The following TANC1 variants were observed in gnomAD, a reference collection of about 807,000 sequenced individuals.
The protein encoded by TANC1 is tetratricopeptide repeat, ankyrin repeat and coiled-coil containing 1, also known as protein TANC1.
In TANC1, 77 loss-of-function variants were observed where a neutral mutation model predicts 149.7. The ratio of observed to expected loss-of-function variants is 0.51; its 90% CI spans 0.43 to 0.62. The LOEUF is 0.62. TANC1 is among the 20% of genes least tolerant of loss of function. TANC1 has a pLI of 0.00. For synonymous variants in TANC1, 854 were observed against 925.0 expected (o/e 0.92, Z 1.39); for missense variants, 1,985 against 2,321.8 (o/e 0.85, Z 2.98).
intron 4 of TANC1, among the ~76,000 whole-genome samples, chr2:159,124,700 T>C (rs1449669390): frequency 6.6e-6 from 1 of 152,180 alleles, no homozygotes; most frequent in Admixed American, 6.5e-5. Flanking sequence ...TGTTTGTAGC[T>C]ATTTTCTTAA....
intron 1 of TANC1, among the ~76,000 whole-genome samples, chr2:158,988,143 T>C (rs899915734): frequency 1.3e-5 from 2 of 151,584 alleles, no homozygotes; most frequent in African/African-American, 4.8e-5. Context: ...GCCAACATGG[T>C]GAAACCCCCG....
At chr2:159,159,243 C>A (rs1165056635) in intron 7 of TANC1, among the ~76,000 whole-genome samples, 1 of 151,918 alleles carries the variant, frequency 6.6e-6, no homozygotes, top group African/African-American at 2.4e-5. Context: ...CTCAGGAGTT[C>A]AAGACCAGTG....
At chr2:159,040,261 A>T (rs1428089790) in intron 2 of TANC1, among the ~76,000 whole-genome samples, 1 of 151,960 alleles carries the variant, frequency 6.6e-6, no homozygotes, top group Non-Finnish European at 1.5e-5. Context: ...CTCAAGGAGT[A>T]TCTTTGTGGT....
chr2:159,039,800 T>G (rs1009079718), intron 2 of TANC1, among the ~76,000 whole-genome samples: 1 of 152,214 alleles, frequency 6.6e-6, no homozygotes, highest in Non-Finnish European at 1.5e-5. Flanking sequence ...ATAAGTGTGA[T>G]GTGGTGCTGA....
At chr2:159,007,001 A>C (rs1483289001) in intron 2 of TANC1, among the ~76,000 whole-genome samples, 5 of 152,196 alleles carry the variant, frequency 3.3e-5, no homozygotes, top group African/African-American at 1.2e-4. Flanking sequence ...ATTGCTTTTA[A>C]ATTTGAAAGG....
rs542729299 is a variant in TANC1, at chr2:159,208,251, A to G, written c.3244+9198A>G. Among the ~76,000 whole-genome samples, 3 of 152,348 alleles carry G rather than the reference A, an allele frequency of 2.0e-5. No homozygotes were observed. The South Asian group carries it at 6.2e-4, about 32-fold the overall frequency. On this transcript the variant is annotated intron_variant, in intron 19 of 26. Coordinates refer to ENST00000263635, the MANE Select transcript of TANC1 (RefSeq NM_033394.3). ...TATTATTAATATAATATGTTAATGT[A>G]TGCTATACATTTGTCAGTTGAATAA...
chr2:159,224,467 A>G (rs2059899001), intron 23 of TANC1, 103 bp downstream of exon 23: 4 of 1,329,186 alleles, frequency 3.0e-6, no homozygotes, highest in Non-Finnish European at 4.2e-6. Flanking sequence ...AGGAAGTAAG[A>G]TGTCAGATGT....
intron 4 of TANC1, among the ~76,000 whole-genome samples, chr2:159,101,569 T>G (rs1011122734): frequency 4.6e-5 from 7 of 152,192 alleles, no homozygotes; most frequent in Admixed American, 6.5e-5. Flanking sequence ...TTTCAAAACT[T>G]TTGTTTTTAA....
intron 8 of TANC1, 122 bp from the exon 9 acceptor site, chr2:159,169,128 A>T (rs3796105): frequency 2.5e-5 from 16 of 637,782 alleles, no homozygotes; most frequent in Middle Eastern, 4.0e-4. Context: ...ATCAAAATGA[A>T]GTTTAAGTAA....
chr2:159,132,468 AGTTTTGTTTT>A (rs571738683), intron 4 of TANC1, among the ~76,000 whole-genome samples: 2 of 151,648 alleles, frequency 1.3e-5, no homozygotes, highest in African/African-American at 2.4e-5. Flanking sequence ...GGAGGGGTAC[AGTTTTGTTTT>A]GTTTTGTTTT....
At chr2:159,057,370 C>G (rs888947089) in intron 2 of TANC1, among the ~76,000 whole-genome samples, 1 of 152,218 alleles carries the variant, frequency 6.6e-6, no homozygotes, top group Non-Finnish European at 1.5e-5. Context: ...TGTCTTCCTC[C>G]TCTGTCAGTT....
At position 159,227,963 on chromosome 2, in the gene TANC1, A is replaced by G; in HGVS notation, c.4048A>G (p.Asn1350Asp). The G allele has an allele frequency of 6.2e-7, 1 of 1,611,656 alleles. No homozygotes were observed. Among genetic ancestry groups the G allele is most frequent in the South Asian group, 1.1e-5 (1 of 90,788 alleles). ...LNLSRCRRKT[N>D]DFGMAEEFAS... ...TTTGTCGCGATGCCGAAGAAAAACAAATGTAAGCTGTGCCCCTTTATTCCA... is the reference window on the plus strand; with the variant it reads ...TTTGTCGCGATGCCGAAGAAAAACAGATGTAAGCTGTGCCCCTTTATTCCA... The change falls in exon 25 of 27, where the codon AAT becomes GAT. Residue 1350 changes from asparagine to aspartate, a missense_variant and splice_region_variant. Physicochemically the swap from Asn to Asp is conservative, Grantham distance 23. This residue lies in a region of TANC1 where 920 missense variants were observed against 994.7 expected (regional missense o/e 0.92). Coordinates refer to ENST00000263635, the MANE Select transcript of TANC1 (RefSeq NM_033394.3).
chr2:159,119,795 G>A (rs1300590133), intron 4 of TANC1, among the ~76,000 whole-genome samples: 2 of 152,130 alleles, frequency 1.3e-5, no homozygotes, highest in Non-Finnish European at 2.9e-5. Flanking sequence ...CAATCTGTGA[G>A]TGCAATTTGT....
In TANC1 at chr2:159,038,644, G is replaced by A. The variant is rs902616295; in HGVS notation, c.-15-27252G>A. Among the ~76,000 whole-genome samples the A allele has an allele frequency of 1.1e-4, 17 of 152,102 alleles. No individual in the cohort carries two copies. In the South Asian group the frequency reaches 3.1e-3, roughly 28 times the overall value. ...TTGTCTTTGGTTCTGTTTATGTGAT[G>A]GATTACATTTATTGATTTGTGTATG... On this transcript the variant is annotated intron_variant, in intron 2 of 26. Transcript: ENST00000263635.
At chr2:159,167,636 C>T (rs889370081) in intron 8 of TANC1, among the ~76,000 whole-genome samples, 1 of 152,110 alleles carries the variant, frequency 6.6e-6, no homozygotes, top group Non-Finnish European at 1.5e-5. Flanking sequence ...TGCATGCTGT[C>T]GTGAAGTCAA....
intron 1 of TANC1, among the ~76,000 whole-genome samples, 173 bp downstream of exon 1, chr2:158,968,955 G>C (rs2032380496): frequency 6.6e-6 from 1 of 152,058 alleles, no homozygotes; most frequent in Non-Finnish European, 1.5e-5. Flanking sequence ...ACACCCGGGA[G>C]CTTTCCGGGA....
chr2:158,974,344 G>T (rs141707654), intron 1 of TANC1, among the ~76,000 whole-genome samples: 1 of 152,064 alleles, frequency 6.6e-6, no homozygotes, highest in South Asian at 2.1e-4. Flanking sequence ...GGATTCCCAC[G>T]GATACTAAAA....
intron 1 of TANC1, among the ~76,000 whole-genome samples, chr2:158,972,409 C>G (rs1053344843): frequency 2.0e-5 from 3 of 152,140 alleles, no homozygotes; most frequent in Non-Finnish European, 4.4e-5. Flanking sequence ...ACTTTCCATG[C>G]TAAATACATC....
chr2:159,226,310 G>C (rs1484555921), intron 24 of TANC1: 1 of 164,802 alleles, frequency 6.1e-6, no homozygotes, highest in Non-Finnish European at 1.3e-5. Flanking sequence ...GCTAATCCTT[G>C]AGGTTGTAGT....
Sources: allele counts gnomAD v4.1 joint callset (sites outside exome capture counted in the v4.1 genomes callset), GRCh38; gene constraint gnomAD v4.1.1; regional missense constraint gnomAD v4.1.1; transcripts MANE v1.5; gene names NCBI Gene and HGNC (gene_info 2026-07-23, HGNC 2026-07-21).